GOPC: variants seen among roughly 807,000 people sequenced by gnomAD.
The protein encoded by GOPC is golgi associated PDZ and coiled-coil motif containing.
A neutral mutation model predicts 51.2 loss-of-function variants in GOPC; 32 were observed. The ratio of observed to expected loss-of-function variants is 0.63; its 90% CI spans 0.47 to 0.84. GOPC has a LOEUF of 0.84. GOPC is among the 40% of genes least tolerant of loss of function. The pLI is 0.00. For synonymous variants in GOPC, 190 were observed against 205.1 expected (o/e 0.93, Z 0.63); for missense variants, 441 against 555.5 (o/e 0.79, Z 2.07).
chr6:117,594,612 T>C (rs1436100594), intron 1 of GOPC, among the ~76,000 whole-genome samples: 1 of 152,210 alleles, frequency 6.6e-6, no homozygotes, highest in Non-Finnish European at 1.5e-5. Flanking sequence ...ACTGGATCAA[T>C]ATTAAACTTA....
intron 1 of GOPC, among the ~76,000 whole-genome samples, chr6:117,601,120 G>A (rs150139317): frequency 0.01 from 1,575 of 152,166 alleles, 11 homozygotes; most frequent in Non-Finnish European, 0.016. Flanking sequence ...TACACTTTTT[G>A]AAAAGAAAGA....
At chr6:117,595,170 G>A (rs1780179131) in intron 1 of GOPC, among the ~76,000 whole-genome samples, 1 of 152,146 alleles carries the variant, frequency 6.6e-6, no homozygotes, top group Non-Finnish European at 1.5e-5. Context: ...ACTGATTAGT[G>A]ACTGGCTATT....
chr6:117,570,247 G>A (rs918487902), intron 6 of GOPC, among the ~76,000 whole-genome samples: 3 of 146,406 alleles, frequency 2.0e-5, no homozygotes, highest in Non-Finnish European at 4.5e-5. Flanking sequence ...AAAAAAAAAA[G>A]GTAAGTATTC....
chr6:117,583,118 A>G (rs891556891), intron 1 of GOPC, among the ~76,000 whole-genome samples: 3 of 151,348 alleles, frequency 2.0e-5, no homozygotes, highest in African/African-American at 2.4e-5. Context: ...TTGCCTACAC[A>G]CTCCCTCCCA....
intron 1 of GOPC, among the ~76,000 whole-genome samples, chr6:117,598,641 CTATGAGAATCTA>C (rs1162304065): frequency 1.3e-5 from 2 of 152,144 alleles, no homozygotes; most frequent in Non-Finnish European, 2.9e-5. Context: ...ATTTGTGCTA[CTATGAGAATCTA>C]TATGAGAATC....
chr6:117,599,348 AG>A (rs1407444595), intron 1 of GOPC, among the ~76,000 whole-genome samples: 1 of 152,212 alleles, frequency 6.6e-6, no homozygotes, highest in African/African-American at 2.4e-5. Flanking sequence ...AAAGTAAAAA[AG>A]GGCAAGAAAA....
Sources: allele counts gnomAD v4.1 joint callset (sites outside exome capture counted in the v4.1 genomes callset), GRCh38; gene constraint gnomAD v4.1.1; transcripts MANE v1.5; gene names NCBI Gene and HGNC (gene_info 2026-07-23, HGNC 2026-07-21).